Variants in SETBP1 observed in about 807,000 individuals in gnomAD.
The protein encoded by SETBP1 is SET binding protein 1, also known as SET-binding protein.
A neutral mutation model predicts 101.0 loss-of-function variants in SETBP1; 9 were observed. That is an observed-to-expected ratio of 0.09 (90% CI 0.05 to 0.16). The LOEUF (loss-of-function observed/expected upper bound fraction) is 0.16, where lower values mean the gene tolerates loss of function less well. Among genes scored for constraint, SETBP1 ranks in the 10% least tolerant of loss-of-function variants. The pLI is 1.00. For missense variants in SETBP1, 1,858 were observed against 2,033.8 expected (o/e 0.91, Z 1.66); for synonymous variants, 818 against 788.5 (o/e 1.04, Z -0.63).
At chr18:44,820,758 T>G (rs558720347) in intron 2 of SETBP1, among the ~76,000 whole-genome samples, 1 of 152,314 alleles carries the variant, frequency 6.6e-6, no homozygotes, top group South Asian at 2.1e-4. Flanking sequence ...AAATATTCCA[T>G]GTCTAGCACA....
At chr18:44,980,235 AATTG>A (rs1264343199) in intron 4 of SETBP1, among the ~76,000 whole-genome samples, 1 of 152,214 alleles carries the variant, frequency 6.6e-6, no homozygotes, top group East Asian at 1.9e-4. Flanking sequence ...GTATTTTATA[AATTG>A]ATTGCTGAAA....
At chr18:45,057,765 C>T (rs890500102) in intron 5 of SETBP1, among the ~76,000 whole-genome samples, 6 of 152,220 alleles carry the variant, frequency 3.9e-5, no homozygotes, top group African/African-American at 7.2e-5. Flanking sequence ...CCACAATCCA[C>T]CCAAAGCTTT....
chr18:44,765,998 C>T (rs1481698650), intron 2 of SETBP1, among the ~76,000 whole-genome samples: 2 of 152,234 alleles, frequency 1.3e-5, no homozygotes, highest in South Asian at 4.1e-4. Flanking sequence ...AATCCACAGG[C>T]TTCCTCACCT....
intron 1 of SETBP1, among the ~76,000 whole-genome samples, chr18:44,696,173 G>C (rs1425457910): frequency 6.6e-6 from 1 of 152,190 alleles, no homozygotes; most frequent in Non-Finnish European, 1.5e-5. Context: ...TGTTGGCCAT[G>C]GTGCTAGGTG....
rs1395350904 is a variant in SETBP1 at position 44,876,673 on chromosome 18, C to T, written c.540+7390C>T. 33 of 1,548,782 alleles carry T rather than the reference C, an allele frequency of 2.1e-5. No individual in the cohort carries two copies. The highest frequency in any genetic ancestry group is 3.6e-5 in the South Asian group (3 of 83,912). The stretch of plus-strand genomic sequence containing the variant: ...ACGTGCCATGTGCTTCTCATGCCCC[C>T]GGAACCCATTCCCCGCAAAACCCGG... On this transcript the variant is annotated intron_variant, in intron 3 of 5. Coordinates refer to ENST00000649279, the MANE Select transcript of SETBP1 (RefSeq NM_015559.3).
chr18:44,830,830 A>G (rs185250072), intron 2 of SETBP1, among the ~76,000 whole-genome samples: 4 of 152,226 alleles, frequency 2.6e-5, no homozygotes, highest in Non-Finnish European at 4.4e-5. Flanking sequence ...AACCCTATAC[A>G]TTGAGAATTT....
intron 2 of SETBP1, among the ~76,000 whole-genome samples, chr18:44,793,921 G>T (rs1042275863): frequency 3.3e-5 from 5 of 152,194 alleles, no homozygotes; most frequent in African/African-American, 4.8e-5. Flanking sequence ...TTTAGTTCAT[G>T]ATATACTTAC....
intron 3 of SETBP1, among the ~76,000 whole-genome samples, chr18:44,915,945 G>A (rs1599316681): frequency 6.6e-6 from 1 of 152,268 alleles, no homozygotes. Flanking sequence ...TTTTCTCTTG[G>A]CCACACATAG....
chr18:44,856,900 C>T (rs115150374), intron 2 of SETBP1, among the ~76,000 whole-genome samples: 41 of 152,316 alleles, frequency 2.7e-4, no homozygotes, highest in African/African-American at 8.9e-4. Flanking sequence ...CCTGGAGCCA[C>T]CCTTGCTTTG....
intron 2 of SETBP1, among the ~76,000 whole-genome samples, chr18:44,786,975 A>T (rs915720190): frequency 6.6e-6 from 1 of 152,212 alleles, no homozygotes; most frequent in African/African-American, 2.4e-5. Flanking sequence ...TTTGAAGAGG[A>T]GACGAAAGAT....
At chr18:44,806,620 C>T (rs1163842689) in intron 2 of SETBP1, among the ~76,000 whole-genome samples, 1 of 83,166 alleles carries the variant, frequency 1.2e-5, no homozygotes, top group Non-Finnish European at 2.3e-5. Flanking sequence ...TCATAATGAG[C>T]TCCTTTTTTT....
At chr18:44,874,062 G>C (rs1367194782) in intron 3 of SETBP1, among the ~76,000 whole-genome samples, 1 of 152,142 alleles carries the variant, frequency 6.6e-6, no homozygotes, top group African/African-American at 2.4e-5. Flanking sequence ...TTCCAAACTT[G>C]TCTATACTCT....
Position 45,063,749 on chromosome 18 carries a change from G to GC in SETBP1, c.*52dup. The GC allele has an allele frequency of 6.4e-7, 1 of 1,567,172 alleles. No homozygotes were observed. Among genetic ancestry groups the GC allele is most frequent in the South Asian group, 1.2e-5 (1 of 85,654 alleles). The stretch of plus-strand genomic sequence containing the variant: ...GGCCTAGGGAACTGACACGTGGGAA[G>GC]CGCAGTGAGCCGGGGCGGGGGCGGA... On this transcript the variant is annotated 3_prime_UTR_variant, in exon 6 of 6. Coordinates refer to ENST00000649279, the MANE Select transcript of SETBP1 (RefSeq NM_015559.3).
intron 1 of SETBP1, among the ~76,000 whole-genome samples, chr18:44,690,866 T>G (rs1260338055): frequency 6.6e-6 from 1 of 152,214 alleles, no homozygotes; most frequent in East Asian, 1.9e-4. Flanking sequence ...CCTCCCTGCT[T>G]GGACAGGAAA....
At position 45,038,653 on chromosome 18, in the gene SETBP1, C is replaced by G. The variant is rs1260575904; in HGVS notation, c.4169C>G (p.Ala1390Gly). The G allele has an allele frequency of 6.2e-7, 1 of 1,613,958 alleles. No individual in the cohort carries two copies. The highest frequency in any genetic ancestry group is 8.5e-7 in the Non-Finnish European group (1 of 1,179,932). Residue 1390 changes from alanine to glycine, a missense_variant and splice_region_variant, in exon 5 of 6, where the codon GCA becomes GGA. By Grantham distance (60) the Ala-to-Gly change is moderately conservative. Coordinates refer to ENST00000649279, the MANE Select transcript of SETBP1 (RefSeq NM_015559.3). ...GCTGCATCTGCAGCAACGTCGGATG[C>G]AGGTGAGCACTTTTCAGATGCTTTG... The part of the protein sequence containing the change: ...LLAASAATSD[A>G]VGSSLKKRFK...
At chr18:44,931,595 A>T (rs1599338850) in intron 3 of SETBP1, among the ~76,000 whole-genome samples, 1 of 152,270 alleles carries the variant, frequency 6.6e-6, no homozygotes, top group African/African-American at 2.4e-5. Flanking sequence ...TAGGTCTCTA[A>T]GGACTTGCTT....
chr18:44,865,273 G>C (rs948342729), intron 2 of SETBP1, among the ~76,000 whole-genome samples: 1 of 152,138 alleles, frequency 6.6e-6, no homozygotes, highest in South Asian at 2.1e-4. Flanking sequence ...CCAAACATTG[G>C]TTTTCAACTG....
At chr18:44,739,496 G>A (rs2070051100) in intron 2 of SETBP1, among the ~76,000 whole-genome samples, 1 of 152,168 alleles carries the variant, frequency 6.6e-6, no homozygotes, top group African/African-American at 2.4e-5. Flanking sequence ...TTGTAGAACT[G>A]TTGGAGTCAT....
At chr18:44,917,676 C>CTCT (rs139871418) in intron 3 of SETBP1, among the ~76,000 whole-genome samples, 172 of 152,246 alleles carry the variant, frequency 1.1e-3, no homozygotes, top group African/African-American at 4.0e-3. Context: ...TTTCTGAGTC[C>CTCT]TCAGCATTTC....
Sources: gnomAD v4.1 joint callset for allele counts (sites outside exome capture counted in the v4.1 genomes callset) on GRCh38, gnomAD v4.1.1 for gene constraint, MANE v1.5 for transcripts, NCBI Gene and HGNC (gene_info 2026-07-23, HGNC 2026-07-21) for gene names.